CEP350: variants seen among roughly 807,000 people sequenced by gnomAD.
CEP350 encodes the protein centrosome-associated protein 350.
CEP350 carries 126 observed loss-of-function variants against 331.8 expected under a neutral mutation model. That is an observed-to-expected ratio of 0.38 (90% CI 0.33 to 0.44). The LOEUF (loss-of-function observed/expected upper bound fraction) is 0.44. Among genes scored for constraint, CEP350 ranks in the 20% least tolerant of loss-of-function variants. The pLI, the probability that CEP350 is intolerant of heterozygous loss-of-function variation, is 1.00. For missense variants in CEP350, 3,406 were observed against 3,634.6 expected, an observed-to-expected ratio of 0.94 and a Z score of 1.62; for synonymous variants, 1,200 against 1,259.5, an observed-to-expected ratio of 0.95 and a Z score of 1.00.
At chr1:180,049,061 C>G (rs1657312519) in intron 22 of CEP350, among the ~76,000 whole-genome samples, 1 of 151,940 alleles carries the variant, frequency 6.6e-6, no homozygotes, top group Non-Finnish European at 1.5e-5. Flanking sequence ...GAGCAAGAAC[C>G]TGTCTCAAAA....
At chr1:180,010,248 A>G (rs1183078055) in intron 8 of CEP350, among the ~76,000 whole-genome samples, 1 of 152,066 alleles carries the variant, frequency 6.6e-6, no homozygotes, top group Non-Finnish European at 1.5e-5. Flanking sequence ...TTCAGTATTT[A>G]GTTACTTCCG....
intron 7 of CEP350, among the ~76,000 whole-genome samples, chr1:180,005,832 T>C (rs1311313200): frequency 6.6e-6 from 1 of 152,212 alleles, no homozygotes. Context: ...TTAAGGCCTT[T>C]ACTTATACTT....
At chr1:180,024,274 TG>T in intron 13 of CEP350, 144 bp from the exon 14 acceptor site, 2 of 636,550 alleles carry the variant, frequency 3.1e-6, no homozygotes, top group Non-Finnish European at 4.8e-6. Context: ...AGGCTTATGG[TG>T]GTTAAAAAAA....
intron 11 of CEP350, among the ~76,000 whole-genome samples, chr1:180,016,867 T>C (rs1439145980): frequency 6.6e-6 from 1 of 152,062 alleles, no homozygotes. Flanking sequence ...TTCACCATCT[T>C]GGCCAGGCAG....
chr1:179,982,702 TA>T (rs1250657980), intron 1 of CEP350, among the ~76,000 whole-genome samples: 1 of 152,264 alleles, frequency 6.6e-6, no homozygotes, highest in Non-Finnish European at 1.5e-5. Context: ...ATTTTTTGTC[TA>T]ATCATTGACA....
intron 30 of CEP350, among the ~76,000 whole-genome samples, chr1:180,082,102 G>T (rs1558147420): frequency 6.6e-6 from 1 of 152,126 alleles, no homozygotes; most frequent in Non-Finnish European, 1.5e-5. Context: ...GCCAATACTG[G>T]ATTATCTTTT....
chr1:180,103,576 T>C (rs1320966297), intron 37 of CEP350, among the ~76,000 whole-genome samples: 1 of 152,168 alleles, frequency 6.6e-6, no homozygotes, highest in Admixed American at 6.6e-5. Flanking sequence ...AGATTGTGTG[T>C]GTGTGTGCGT....
chr1:180,109,966 G>GT (rs1230588074), intron 37 of CEP350, among the ~76,000 whole-genome samples: 6 of 152,240 alleles, frequency 3.9e-5, no homozygotes, highest in Non-Finnish European at 7.4e-5. Flanking sequence ...AATAAAGTAG[G>GT]TTTTTTTCCC....
intron 5 of CEP350, 40 bp from the exon 6 acceptor site, chr1:179,996,513 T>G: frequency 7.2e-7 from 1 of 1,395,046 alleles, no homozygotes; most frequent in Non-Finnish European, 9.7e-7. Flanking sequence ...TACAATATAT[T>G]ATTAATCATA....
chr1:180,011,546 A>T (rs527574766), intron 8 of CEP350, among the ~76,000 whole-genome samples: 2 of 152,098 alleles, frequency 1.3e-5, no homozygotes, highest in African/African-American at 4.8e-5. Flanking sequence ...GGTTCAAGCG[A>T]TTCTTGTGTC....
At chr1:179,960,326 G>T (rs1650507188) in intron 1 of CEP350, among the ~76,000 whole-genome samples, 1 of 152,132 alleles carries the variant, frequency 6.6e-6, no homozygotes, top group Non-Finnish European at 1.5e-5. Flanking sequence ...AGAACATGCA[G>T]GCTCCACATA....
rs766012891 is a variant in CEP350 at position 180,053,164 on chromosome 1, A to G, written c.4987A>G (p.Lys1663Glu). ...SPEKTTLSTA[K>E]ELNMPFSGGQ... The stretch of plus-strand genomic sequence containing the variant: ...AGAAAAAACTACACTGTCTACTGCC[A>G]AGGTGTGTTTCACTTTATCTGTGGA... The change falls in exon 23 of 38, where the codon AAG becomes GAG. Residue 1663 changes from lysine (K) to glutamate (E), a missense_variant and splice_region_variant. Lys to Glu is a moderately conservative substitution (Grantham distance 56). This residue lies in a region of CEP350 where 104 missense variants were observed against 143.3 expected (regional missense o/e 0.73). Coordinates refer to ENST00000367607, the MANE Select transcript of CEP350 (RefSeq NM_014810.5). 1.3e-6 allele frequency: 2 copies of G among 1,552,962 alleles called. No homozygotes were observed. The highest frequency in any genetic ancestry group is 1.7e-6 in the Non-Finnish European group (2 of 1,150,224).
chr1:180,047,704 G>A (rs1407501946), intron 21 of CEP350, among the ~76,000 whole-genome samples: 1 of 135,180 alleles, frequency 7.4e-6, no homozygotes, highest in Non-Finnish European at 1.5e-5. Flanking sequence ...GGAGGTTGCA[G>A]TGAACCAAAT....
chr1:180,043,138 G>T lies in CEP350; in HGVS notation c.4445G>T (p.Arg1482Leu). ...APLAILYDHQ[R>L]QHLPDFVKQL... The stretch of plus-strand genomic sequence containing the variant: ...CTTGCAATACTGTATGACCACCAAC[G>T]GCAGCACCTTCCAGACTTTGTGAAA... Residue 1482 changes from arginine to leucine, a missense_variant, in exon 20 of 38, where the codon CGG becomes CTG. Around this residue, in one of 5 missense-constraint regions of CEP350, gnomAD observed 1,857 missense variants for 1,909.2 expected, o/e 0.97. Transcript: ENST00000367607. 3 of 1,613,646 alleles carry T rather than the reference G, an allele frequency of 1.9e-6. No individual in the cohort carries two copies. The highest frequency in any genetic ancestry group is 2.5e-6 in the Non-Finnish European group (3 of 1,179,724).
Position 180,010,423 on chromosome 1 carries a change from T to A in CEP350, c.1247-1506T>A, listed in dbSNP as rs112582957. 5.9e-3 allele frequency among the ~76,000 whole-genome samples: 743 copies of A among 125,570 alleles called. 4 individuals carry two copies. Among genetic ancestry groups the A allele is most frequent in the African/African-American group, 0.019 (679 of 35,576 alleles). The allele number at this position is 125,570 out of a possible 152,430, so 82.4% of individuals were successfully genotyped here. A position where few individuals can be genotyped will look rare whatever the true frequency, so the allele number is the denominator to read the frequency against. On this transcript the variant is annotated intron_variant, in intron 8 of 37. Transcript: ENST00000367607. Reference sequence around the variant, plus strand: ...TGTTTGCTTTTTTTTTTTTTTTTTTTAAAGAAACTATACCCACTTATATTT... The same window carrying A: ...TGTTTGCTTTTTTTTTTTTTTTTTTAAAAGAAACTATACCCACTTATATTT...
chr1:179,957,653 G>A (rs749847476), intron 1 of CEP350, among the ~76,000 whole-genome samples: 9 of 152,156 alleles, frequency 5.9e-5, no homozygotes, highest in Admixed American at 5.2e-4. Context: ...CTAGTTCTTA[G>A]TTCCTAAGCA....
chr1:179,955,365 T>C (rs910840288), intron 1 of CEP350, among the ~76,000 whole-genome samples: 1 of 152,108 alleles, frequency 6.6e-6, no homozygotes, highest in African/African-American at 2.4e-5. Context: ...GGAATTTCCT[T>C]CCTTACGTGC....
intron 15 of CEP350, among the ~76,000 whole-genome samples, chr1:180,032,600 G>A (rs1656094280): frequency 6.6e-6 from 1 of 151,482 alleles, no homozygotes; most frequent in Non-Finnish European, 1.5e-5. Context: ...CTTTGATAAG[G>A]AGAAGTCCAG....
At chr1:180,006,616 T>C (rs1384019910) in intron 8 of CEP350, 49 bp downstream of exon 8, 1 of 919,532 alleles carries the variant, frequency 1.1e-6, no homozygotes, top group African/African-American at 1.7e-5. Flanking sequence ...TTAATTAATG[T>C]TTTCATTATA....
Sources: allele counts gnomAD v4.1 joint callset (sites outside exome capture counted in the v4.1 genomes callset), GRCh38; gene constraint gnomAD v4.1.1; regional missense constraint gnomAD v4.1.1; transcripts MANE v1.5; gene names NCBI Gene and HGNC (gene_info 2026-07-23, HGNC 2026-07-21).